Variants in BEND4 observed in about 807,000 individuals in gnomAD.
BEND4 encodes the protein BEN domain-containing protein 4.
A neutral mutation model predicts 54.7 loss-of-function variants in BEND4; 27 were observed. The ratio of observed to expected loss-of-function variants is 0.49; its 90% CI spans 0.36 to 0.68. BEND4 has a LOEUF of 0.68. BEND4 is among the 30% of genes least tolerant of loss of function. BEND4 has a pLI of 0.00. For missense variants in BEND4, 702 were observed against 697.2 expected, an observed-to-expected ratio of 1.01 and a Z score of -0.08; for synonymous variants, 327 against 299.5, an observed-to-expected ratio of 1.09 and a Z score of -0.95.
chr4:42,142,303 G>A (rs569877560), intron 3 of BEND4, among the ~76,000 whole-genome samples: 12 of 151,100 alleles, frequency 7.9e-5, no homozygotes, highest in African/African-American at 2.7e-4. Flanking sequence ...AGCTACAGAC[G>A]TACAGGAATG....
At chr4:42,145,651 C>T (rs940337870) in intron 2 of BEND4, among the ~76,000 whole-genome samples, 8 of 150,158 alleles carry the variant, frequency 5.3e-5, no homozygotes, top group Non-Finnish European at 1.0e-4. Context: ...AAGATGGTGC[C>T]GCTGCACTCC....
In BEND4 at chr4:42,125,650, T is replaced by A; in HGVS notation, c.1079A>T (p.Tyr360Phe). Residue 360 changes from tyrosine to phenylalanine, a missense_variant, in exon 4 of 6, where the codon TAC (tyrosine) becomes TTC (phenylalanine). By Grantham distance (22) the Tyr-to-Phe change is conservative. Transcript: ENST00000502486. ...IPVPCQTVLDYLKMVLQHHNQ... is the reference protein window; with the variant it reads ...IPVPCQTVLDFLKMVLQHHNQ... ...GTGGTGCTGCAGAACCATCTTCAAG[T>A]AATCTAAAACGGTCTGGCAGGGCAC... 1 of 1,613,092 alleles carries A rather than the reference T, an allele frequency of 6.2e-7. No homozygotes were observed. Among genetic ancestry groups the A allele is most frequent in the Non-Finnish European group, 8.5e-7 (1 of 1,179,446 alleles).
chr4:42,125,552 T>C (rs1364549646), intron 4 of BEND4, 31 bp downstream of exon 4: 1 of 1,509,874 alleles, frequency 6.6e-7, no homozygotes, highest in Admixed American at 1.7e-5. Context: ...GAATTCCAAA[T>C]GGAACATTCA....
chr4:42,131,070 G>C (rs544953422), intron 3 of BEND4, among the ~76,000 whole-genome samples: 6 of 152,046 alleles, frequency 3.9e-5, no homozygotes, highest in South Asian at 2.1e-4. Flanking sequence ...CTATTGGGGA[G>C]GGGGGGCAGT....
At chr4:42,147,481 C>CTT (rs71664398) in intron 2 of BEND4, among the ~76,000 whole-genome samples, 62 of 131,940 alleles carry the variant, frequency 4.7e-4, no homozygotes, top group African/African-American at 7.9e-4. Flanking sequence ...ATTTTTTTAA[C>CTT]TTTTTTTTTT....
In BEND4 at chr4:42,135,539, G is replaced by A. The variant is rs569333261; in HGVS notation, c.1054+7889C>T. On this transcript the variant is annotated intron_variant, in intron 3 of 5. Coordinates refer to ENST00000502486, the MANE Select transcript of BEND4 (RefSeq NM_207406.4). Reference sequence around the variant, plus strand: ...TGTAATCCCAGGACTTTGGGAGGCCGAGGCAGGCAGATCATGAGGTCAGGA... The same window carrying A: ...TGTAATCCCAGGACTTTGGGAGGCCAAGGCAGGCAGATCATGAGGTCAGGA... 4.6e-5 allele frequency among the ~76,000 whole-genome samples: 7 copies of A among 152,174 alleles called. No individual in the cohort carries two copies. The South Asian group carries it at 1.2e-3, about 27-fold the overall frequency.
At chr4:42,131,806 T>C (rs1305666894) in intron 3 of BEND4, among the ~76,000 whole-genome samples, 1 of 149,110 alleles carries the variant, frequency 6.7e-6, no homozygotes, top group Non-Finnish European at 1.5e-5. Flanking sequence ...AAAAAAAAAA[T>C]AGCCAAAACT....
intron 4 of BEND4, among the ~76,000 whole-genome samples, chr4:42,120,982 G>A (rs986472075): frequency 6.6e-6 from 1 of 152,102 alleles, no homozygotes; most frequent in South Asian, 2.1e-4. Context: ...GCTGCAGTGG[G>A]ACTAATTACG....
intron 3 of BEND4, among the ~76,000 whole-genome samples, chr4:42,128,792 C>T (rs1436075713): frequency 1.3e-5 from 2 of 151,572 alleles, no homozygotes; most frequent in African/African-American, 2.4e-5. Flanking sequence ...AACAAACAGC[C>T]GGGCGTGGTG....
At chr4:42,151,186 GC>G (rs1265331252) in intron 2 of BEND4, 17 of 153,254 alleles carry the variant, frequency 1.1e-4, no homozygotes, top group Non-Finnish European at 2.0e-4. Context: ...GGCGAAGAAA[GC>G]ACTAGAAGGC....
chr4:42,116,979 T>C lies in BEND4; in HGVS notation c.*539A>G, dbSNP rs1577743612. 6.6e-6 allele frequency: 1 copy of C among 152,340 alleles called. No homozygotes were observed. Among genetic ancestry groups the C allele is most frequent in the East Asian group, 1.9e-4 (1 of 5,206 alleles). The allele number at this position is 152,340 out of a possible 1,614,324, so 9.4% of individuals were successfully genotyped here. The stretch of plus-strand genomic sequence containing the variant: ...TGCAGATGTTGCCTCTGTTCTCTGG[T>C]TTCCTTTTAGTAATAGACATTATTA... On this transcript the variant is annotated 3_prime_UTR_variant, in exon 6 of 6. Coordinates refer to ENST00000502486, the MANE Select transcript of BEND4 (RefSeq NM_207406.4).
At chr4:42,146,645 G>A (rs749972506) in intron 2 of BEND4, among the ~76,000 whole-genome samples, 5 of 152,104 alleles carry the variant, frequency 3.3e-5, no homozygotes, top group Non-Finnish European at 7.4e-5. Flanking sequence ...GATATTGATT[G>A]GGAATTTTCA....
Position 42,143,887 on chromosome 4 carries a change from A to C in BEND4, c.595T>G (p.Ser199Ala), listed in dbSNP as rs1720984610. 1.9e-6 allele frequency: 3 copies of C among 1,544,916 alleles called. No homozygotes were observed. In the East Asian group the frequency reaches 6.7e-5, roughly 35 times the overall value. Residue 199 changes from serine (S) to alanine (A), a missense_variant, in exon 3 of 6, where the codon TCT becomes GCT. Coordinates refer to ENST00000502486, the MANE Select transcript of BEND4 (RefSeq NM_207406.4). Reference sequence around the variant, plus strand: ...CTTGAGCCTTCCTGCTTTACGCAAGAAATCATGGACTGAGAATGGTTGGAG... The same window carrying C: ...CTTGAGCCTTCCTGCTTTACGCAAGCAATCATGGACTGAGAATGGTTGGAG... ...LDSNHSQSMI[S>A]CVKQEGSSYN...
Position 42,142,764 on chromosome 4 carries a change from G to A in BEND4, c.1054+664C>T, listed in dbSNP as rs148609267. ...TCTGAAAATCTAGTGTCTCTAACAG[G>A]CAGGAAATGCCTCATGTTTAGTCAG... On this transcript the variant is annotated intron_variant, in intron 3 of 5. Transcript: ENST00000502486. Among the ~76,000 whole-genome samples the A allele has an allele frequency of 3.9e-3, 599 of 152,064 alleles. 2 individuals carry two copies. Among genetic ancestry groups the A allele is most frequent in the African/African-American group, 0.014 (575 of 41,496 alleles).
At position 42,120,053 on chromosome 4, in the gene BEND4, C is replaced by T. The variant is rs1159419591; in HGVS notation, c.1387+1G>A. Reference sequence around the variant, plus strand: ...TGACACTGAGCGGAAGGATGCAGTACCTCGGAGGCATGTTACTTTAACTGG... The same window carrying T: ...TGACACTGAGCGGAAGGATGCAGTATCTCGGAGGCATGTTACTTTAACTGG... On this transcript the variant is annotated splice_donor_variant, in intron 5 of 5. Transcript: ENST00000502486. LOFTEE classifies it high-confidence loss of function. 6.2e-7 allele frequency: 1 copy of T among 1,613,970 alleles called. No individual in the cohort carries two copies. Among genetic ancestry groups the T allele is most frequent in the Non-Finnish European group, 8.5e-7 (1 of 1,179,870 alleles).
At chr4:42,123,447 A>G (rs1311106663) in intron 4 of BEND4, among the ~76,000 whole-genome samples, 1 of 152,122 alleles carries the variant, frequency 6.6e-6, no homozygotes, top group Non-Finnish European at 1.5e-5. Flanking sequence ...GGGTTACTTA[A>G]GAGTCATCAT....
chr4:42,135,232 T>C (rs1401454807), intron 3 of BEND4, among the ~76,000 whole-genome samples: 2 of 152,084 alleles, frequency 1.3e-5, no homozygotes, highest in African/African-American at 2.4e-5. Context: ...CGGAGGCTGA[T>C]TGGGAGTCGG....
In BEND4 at chr4:42,112,267, G is replaced by C. The variant is rs1234259101; in HGVS notation, c.*5251C>G. ...GGATAAGAACAGTAACAGCCTCATA[G>C]GGTAGCTGTGAGGATTAAAATGAGA... On this transcript the variant is annotated 3_prime_UTR_variant, in exon 6 of 6. Coordinates refer to ENST00000502486, the MANE Select transcript of BEND4 (RefSeq NM_207406.4). The C allele has an allele frequency of 6.6e-6, 1 of 152,140 alleles. No individual in the cohort carries two copies. Among genetic ancestry groups the C allele is most frequent in the African/African-American group, 2.4e-5 (1 of 41,438 alleles). 9.4% of individuals were successfully genotyped at this position (152,140 alleles called of 1,614,324 possible).
chr4:42,145,743 GCA>G (rs1721056873), intron 2 of BEND4, among the ~76,000 whole-genome samples: 1 of 151,638 alleles, frequency 6.6e-6, no homozygotes, highest in Non-Finnish European at 1.5e-5. Context: ...ACAGTGTTTG[GCA>G]CATAGGAAGC....
Sources: allele counts gnomAD v4.1 joint callset (sites outside exome capture counted in the v4.1 genomes callset), GRCh38; gene constraint gnomAD v4.1.1; transcripts MANE v1.5; gene names NCBI Gene and HGNC (gene_info 2026-07-23, HGNC 2026-07-21).